SUN2: variants seen among roughly 807,000 people sequenced by gnomAD.
The protein encoded by SUN2 is Sad1 and UNC84 domain containing 2, also known as SUN domain-containing protein 2.
SUN2 carries 60 observed loss-of-function variants against 100.0 expected under a neutral mutation model. The ratio of observed to expected loss-of-function variants is 0.60; its 90% CI spans 0.49 to 0.74. SUN2 has a LOEUF of 0.74. SUN2 is among the 30% of genes least tolerant of loss of function. The pLI, the probability that SUN2 is intolerant of heterozygous loss-of-function variation, is 0.00. For synonymous variants in SUN2, 367 were observed against 403.3 expected (o/e 0.91, Z 1.08); for missense variants, 834 against 954.6 (o/e 0.87, Z 1.66).
rs150906372 is a variant in SUN2, at chr22:38,750,285, G to T, written c.460C>A (p.Arg154=). ...GCCCGTGAGACGGCGCTTCGGAGCCGCGAGCTGGAACTCTGCTGGTCCACA... is the reference window on the plus strand; with the variant it reads ...GCCCGTGAGACGGCGCTTCGGAGCCTCGAGCTGGAACTCTGCTGGTCCACA... ...SDVDQQSSSS[R]LRSAVSRAGS... The change falls in exon 5 of 18, where the codon CGG becomes AGG. Residue 154 remains arginine, a synonymous_variant. Coordinates refer to ENST00000689035, the MANE Select transcript of SUN2 (RefSeq NM_015374.3). 96 of 1,613,726 alleles carry T rather than the reference G, an allele frequency of 5.9e-5. 1 individual carries two copies. The highest frequency in any genetic ancestry group is 8.0e-5 in the Non-Finnish European group (94 of 1,179,960).
intron 10 of SUN2, 28 bp from the exon 11 acceptor site, chr22:38,741,078 G>A: frequency 6.3e-7 from 1 of 1,583,738 alleles, no homozygotes; most frequent in Non-Finnish European, 8.6e-7. Flanking sequence ...ACAAATACAA[G>A]AAATACTCAT....
chr22:38,743,595 A>G (rs1377801648), intron 8 of SUN2: 8 of 150,052 alleles, frequency 5.3e-5, no homozygotes, highest in Non-Finnish European at 1.2e-4. Context: ...CTCAAAAAAA[A>G]AAAAAAAAAA....
At position 38,740,314 on chromosome 22, in the gene SUN2, C is replaced by G. The variant is rs372331900; in HGVS notation, c.1309G>C (p.Glu437Gln). The G allele has an allele frequency of 1.2e-6, 2 of 1,603,974 alleles. No individual in the cohort carries two copies. The change falls in exon 12 of 18, where the codon GAA (glutamate) becomes CAA (glutamine). Residue 437 changes from glutamate (E) to glutamine (Q), a missense_variant. Physicochemically the swap from Glu to Gln is conservative, Grantham distance 29. Around this residue, in one of 3 missense-constraint regions of SUN2, gnomAD observed 559 missense variants for 597.7 expected, o/e 0.94. Transcript: ENST00000689035. This position sits in a 1 kb window ranked among gnomAD's most constrained non-coding sequence, Gnocchi z 4.8. The stretch of plus-strand genomic sequence containing the variant: ...TGCTGGGGCAGCAGGCCCACTTCTT[C>G]CGCCACCGAGCTCTGCTTCAGTGCC... ...ALALKQSSVAEEVGLLPQQIQ... is the reference protein window; with the variant it reads ...ALALKQSSVAQEVGLLPQQIQ...
chr22:38,740,920 G>T lies in SUN2; in HGVS notation c.1190+87C>A. 7.3e-7 allele frequency: 1 copy of T among 1,374,912 alleles called. No homozygotes were observed. Among genetic ancestry groups the T allele is most frequent in the Non-Finnish European group, 1.0e-6 (1 of 991,998 alleles). 85.2% of individuals were successfully genotyped at this position (1,374,912 alleles called of 1,614,324 possible). The stretch of plus-strand genomic sequence containing the variant: ...CTTGGCAAGATGATCAGAACTCTCT[G>T]CTCTGCGGCTCTGCTCCCCAGTCCT... On this transcript the variant is annotated intron_variant, in intron 11 of 17. Transcript: ENST00000689035. This position sits in a 1 kb window ranked among gnomAD's most constrained non-coding sequence, Gnocchi z 4.8.
Position 38,734,881 on chromosome 22 carries a change from G to A in SUN2, c.*1386C>T, listed in dbSNP as rs2092788247. The A allele has an allele frequency of 5.0e-6, 1 of 201,758 alleles. No homozygotes were observed. The highest frequency in any genetic ancestry group is 1.0e-5 in the Non-Finnish European group (1 of 95,858). 12.5% of individuals were successfully genotyped at this position (201,758 alleles called of 1,614,324 possible). A position where few individuals can be genotyped will look rare whatever the true frequency, so the allele number is the denominator to read the frequency against. Reference sequence around the variant, plus strand: ...GGAGCGGGGCGGCCTCACCACCACTGCATCCAGCCTCATGCTCCAGAGCGG... The same window carrying A: ...GGAGCGGGGCGGCCTCACCACCACTACATCCAGCCTCATGCTCCAGAGCGG... On this transcript the variant is annotated 3_prime_UTR_variant, in exon 18 of 18. Transcript: ENST00000689035.
Position 38,734,990 on chromosome 22 carries a change from A to C in SUN2, c.*1277T>G. On this transcript the variant is annotated 3_prime_UTR_variant, in exon 18 of 18. Coordinates refer to ENST00000689035, the MANE Select transcript of SUN2 (RefSeq NM_015374.3). ...CAGACCACCAGACACAGCCGGAACC[A>C]GTGCCCCAGGCCCCTCTCCACGGCC... 3.4e-6 allele frequency: 1 copy of C among 293,582 alleles called. No homozygotes were observed. Among genetic ancestry groups the C allele is most frequent in the Non-Finnish European group, 6.7e-6 (1 of 148,558 alleles). The allele number at this position is 293,582 out of a possible 1,614,324, so 18.2% of individuals were successfully genotyped here.
chr22:38,739,790 C>A lies in SUN2; in HGVS notation c.1510G>T (p.Ala504Ser). 1 of 1,613,616 alleles carries A rather than the reference C, an allele frequency of 6.2e-7. No homozygotes were observed. Among genetic ancestry groups the A allele is most frequent in the Non-Finnish European group, 8.5e-7 (1 of 1,180,022 alleles). Residue 504 changes from alanine (A) to serine (S), a missense_variant, in exon 13 of 18, where the codon GCC becomes TCC. Ala to Ser is a moderately conservative substitution (Grantham distance 99, BLOSUM62 1). Coordinates refer to ENST00000689035, the MANE Select transcript of SUN2 (RefSeq NM_015374.3). This position sits in a 1 kb window ranked among gnomAD's most constrained non-coding sequence, Gnocchi z 6.7. ...CTCAGGGAGGCCGCGGCTTCCCTGG[C>A]CGACTTGCCCTGCATCTCTGCCACA... ...THVAEMQGKS[A>S]REAAASLSLT... is the part of the protein sequence containing the mutation.
At chr22:38,754,804 T>A (rs989385682) in intron 1 of SUN2, 22 of 1,284,680 alleles carry the variant, frequency 1.7e-5, no homozygotes, top group Non-Finnish European at 2.0e-5. Context: ...CGGGGAGTGC[T>A]GAAAACTGTC....
chr22:38,739,538 T>G lies in SUN2; in HGVS notation c.1579-112A>C, dbSNP rs2092836396. The G allele has an allele frequency of 1.5e-5, 21 of 1,371,724 alleles. No individual in the cohort carries two copies. In the South Asian group the frequency reaches 2.6e-4, roughly 17 times the overall value. 85.0% of individuals were successfully genotyped at this position (1,371,724 alleles called of 1,614,324 possible). A position where few individuals can be genotyped will look rare whatever the true frequency, so the allele number is the denominator to read the frequency against. On this transcript the variant is annotated intron_variant, in intron 13 of 17. Coordinates refer to ENST00000689035, the MANE Select transcript of SUN2 (RefSeq NM_015374.3). The surrounding 1 kb of genome is among the most constrained non-coding windows in gnomAD (Gnocchi z 6.7). ...GCTGACCCCTTCTAGGCTTGCACTG[T>G]GCTGGTGCCCAGGCAGATGTGGGCA...
chr22:38,745,241 C>G (rs1392849578), intron 8 of SUN2: 1 of 466,592 alleles, frequency 2.1e-6, no homozygotes, highest in Non-Finnish European at 4.4e-6. Flanking sequence ...ACCAGCTGGC[C>G]CCCAGCTGAC....
In SUN2 at chr22:38,735,815, AG is replaced by A. The variant is rs2092800027; in HGVS notation, c.*451del. The A allele has an allele frequency of 6.1e-6, 1 of 163,550 alleles. No homozygotes were observed. The allele number at this position is 163,550 out of a possible 1,614,324, so 10.1% of individuals were successfully genotyped here. ...CTGGGGAAGTCCCATCCTGCTCTGG[AG>A]CTAAGCACCCTCCTCCCAGAGGGCC... On this transcript the variant is annotated 3_prime_UTR_variant, in exon 18 of 18. Transcript: ENST00000689035.
Position 38,738,201 on chromosome 22 carries a change from C to T in SUN2, c.2012G>A (p.Gly671Asp), listed in dbSNP as rs761605212. The T allele has an allele frequency of 8.1e-6, 13 of 1,613,974 alleles. No homozygotes were observed. Among genetic ancestry groups the T allele is most frequent in the Middle Eastern group, 3.3e-4 (2 of 6,062 alleles). ...LLGKFTYDQD[G>D]EPIQTFHFQA... ...AAAGTGAAACGTCTGAATAGGCTCG[C>T]CGTCCTGATCGTAAGTGAACTTGCC... Residue 671 changes from glycine to aspartate, a missense_variant, in exon 17 of 18, where the codon GGC (glycine) becomes GAC (aspartate). Gly to Asp is a moderately conservative substitution (Grantham distance 94, BLOSUM62 -1). Transcript: ENST00000689035. This position sits in a 1 kb window ranked among gnomAD's most constrained non-coding sequence, Gnocchi z 6.6.
In SUN2 at chr22:38,737,395, C is replaced by T. The variant is rs1426188970; in HGVS notation, c.2040+778G>A. ...CGTCTTTGTCCTCACTCCCAACGCC[C>T]CTCTCCCCCACCTATCCTGTTCTGG... On this transcript the variant is annotated intron_variant, in intron 17 of 17. Coordinates refer to ENST00000689035, the MANE Select transcript of SUN2 (RefSeq NM_015374.3). This position sits in a 1 kb window ranked among gnomAD's most constrained non-coding sequence, Gnocchi z 4.1. 6.6e-6 allele frequency among the ~76,000 whole-genome samples: 1 copy of T among 152,132 alleles called. No individual in the cohort carries two copies. The highest frequency in any genetic ancestry group is 6.5e-5 in the Admixed American group (1 of 15,272).
chr22:38,755,427 G>A lies in SUN2; in HGVS notation c.-38+336C>T. On this transcript the variant is annotated intron_variant, in intron 1 of 17. Coordinates refer to ENST00000689035, the MANE Select transcript of SUN2 (RefSeq NM_015374.3). This position sits in a 1 kb window ranked among gnomAD's most constrained non-coding sequence, Gnocchi z 5.7. ...CAGAGGCTGGGAACTGCCTGTCCCT[G>A]GAAACGGCCTGTCTGGCACAAAACC... is the stretch of plus-strand genomic sequence containing the variant. 2.0e-6 allele frequency: 2 copies of A among 996,414 alleles called. No individual in the cohort carries two copies. The highest frequency in any genetic ancestry group is 2.4e-6 in the Non-Finnish European group (2 of 835,240). 61.7% of individuals were successfully genotyped at this position (996,414 alleles called of 1,614,324 possible). A position where few individuals can be genotyped will look rare whatever the true frequency, so the allele number is the denominator to read the frequency against.
At position 38,736,299 on chromosome 22, in the gene SUN2, G is replaced by A; in HGVS notation, c.2122C>T (p.Arg708Cys). The A allele has an allele frequency of 3.1e-6, 5 of 1,613,974 alleles. No homozygotes were observed. Among genetic ancestry groups the A allele is most frequent in the Non-Finnish European group, 4.2e-6 (5 of 1,179,900 alleles). ...GCGGGCTCCCCATGCACTCTGAAGC[G>A]GTAGATGCAGGTGTACTCGGGGTGG... Reference protein sequence around the residue: ...WGHPEYTCIYRFRVHGEPAH With the variant: ...WGHPEYTCIYCFRVHGEPAH The change falls in exon 18 of 18, where the codon CGC (arginine) becomes TGC (cysteine). Residue 708 changes from arginine to cysteine, a missense_variant. This residue lies in a region of SUN2 where 80 missense variants were observed against 76.7 expected (regional missense o/e 1.04). Coordinates refer to ENST00000689035, the MANE Select transcript of SUN2 (RefSeq NM_015374.3).
intron 10 of SUN2, among the ~76,000 whole-genome samples, chr22:38,741,254 C>G (rs2092854987): frequency 6.6e-6 from 1 of 152,174 alleles, no homozygotes; most frequent in Non-Finnish European, 1.5e-5. Context: ...TATCTGTTCA[C>G]CCACACTCAG....
chr22:38,751,170 C>T (rs374098456), intron 3 of SUN2, 40 bp downstream of exon 3: 63 of 1,603,772 alleles, frequency 3.9e-5, no homozygotes, highest in South Asian at 1.5e-4. Context: ...CGCGGGAGGC[C>T]GAGGAAGCAA....
intron 2 of SUN2, among the ~76,000 whole-genome samples, chr22:38,751,715 A>G (rs2092947139): frequency 6.6e-6 from 1 of 152,234 alleles, no homozygotes; most frequent in Non-Finnish European, 1.5e-5. Flanking sequence ...TGAGCCGGGC[A>G]GGACGACCAG....
At chr22:38,745,142 C>T (rs939518349) in intron 8 of SUN2, 2 of 471,180 alleles carry the variant, frequency 4.2e-6, no homozygotes, top group Admixed American at 4.7e-5. Context: ...TCTTGAAACC[C>T]TGCCTGGGTG....
Sources: gnomAD v4.1 joint callset for allele counts (sites outside exome capture counted in the v4.1 genomes callset) on GRCh38, gnomAD v4.1.1 for gene constraint, gnomAD v4.1.1 regional missense constraint, Gnocchi (gnomAD v3.1) non-coding constraint, MANE v1.5 for transcripts, NCBI Gene and HGNC (gene_info 2026-07-23, HGNC 2026-07-21) for gene names.